CSMD3: variants seen among roughly 807,000 people sequenced by gnomAD.
CSMD3 encodes the protein CUB and Sushi multiple domains 3.
A neutral mutation model predicts 435.2 loss-of-function variants in CSMD3; 177 were observed. The ratio of observed to expected loss-of-function variants is 0.41; its 90% CI spans 0.36 to 0.46. CSMD3 has a LOEUF of 0.46. Among genes scored for constraint, CSMD3 ranks in the 20% least tolerant of loss-of-function variants. The probability of loss-of-function intolerance (pLI) is 0.34; values close to 1 mark genes in which losing one functional copy is unlikely to be tolerated. For missense variants in CSMD3, 4,265 were observed against 4,504.6 expected, an observed-to-expected ratio of 0.95 and a Z score of 1.52; for synonymous variants, 1,656 against 1,520.5, an observed-to-expected ratio of 1.09 and a Z score of -2.07.
chr8:113,295,445 T>C (rs76474776), intron 2 of CSMD3, among the ~76,000 whole-genome samples: 286 of 152,250 alleles, frequency 1.9e-3, no homozygotes, highest in South Asian at 9.7e-3. Context: ...AACAAAATGT[T>C]TTCCCATCAA....
At chr8:112,915,825 A>T (rs559815014) in intron 10 of CSMD3, among the ~76,000 whole-genome samples, 14 of 151,968 alleles carry the variant, frequency 9.2e-5, no homozygotes, top group Non-Finnish European at 1.8e-4. Flanking sequence ...GTTTATTAAA[A>T]TTTTTAAAAA....
intron 17 of CSMD3, among the ~76,000 whole-genome samples, chr8:112,665,880 T>C (rs1022379438): frequency 3.3e-5 from 5 of 152,148 alleles, no homozygotes; most frequent in Non-Finnish European, 5.9e-5. Flanking sequence ...ATATGGATAG[T>C]GTGCCTAAGT....
chr8:112,416,973 G>A (rs1364649630), intron 32 of CSMD3, among the ~76,000 whole-genome samples: 1 of 152,122 alleles, frequency 6.6e-6, no homozygotes, highest in Non-Finnish European at 1.5e-5. Context: ...CAAATTTGGT[G>A]GAGTAAGGGC....
At chr8:112,668,404 C>G (rs887147412) in intron 16 of CSMD3, among the ~76,000 whole-genome samples, 2 of 152,040 alleles carry the variant, frequency 1.3e-5, no homozygotes, top group African/African-American at 4.8e-5. Flanking sequence ...GAAAAGTATT[C>G]ACTCATTCAT....
intron 37 of CSMD3, among the ~76,000 whole-genome samples, chr8:112,382,274 AC>A (rs1354503187): frequency 6.8e-6 from 1 of 146,166 alleles, no homozygotes; most frequent in Non-Finnish European, 1.5e-5. Context: ...ATAGAGCCAG[AC>A]CCTGTCTCTA....
At chr8:112,767,553 T>C (rs1052202746) in intron 13 of CSMD3, among the ~76,000 whole-genome samples, 1 of 151,790 alleles carries the variant, frequency 6.6e-6, no homozygotes, top group African/African-American at 2.4e-5. Flanking sequence ...TAGTGAGTAA[T>C]AATACCTACC....
intron 16 of CSMD3, among the ~76,000 whole-genome samples, chr8:112,679,782 G>A (rs889248471): frequency 2.6e-5 from 4 of 152,176 alleles, no homozygotes; most frequent in African/African-American, 9.7e-5. Flanking sequence ...TTACCTAGAA[G>A]TGGTCTCTGT....
At chr8:112,918,959 C>G (rs1458336927) in intron 10 of CSMD3, among the ~76,000 whole-genome samples, 1 of 151,870 alleles carries the variant, frequency 6.6e-6, no homozygotes, top group African/African-American at 2.4e-5. Context: ...TACTCTTTGT[C>G]CAGACTCACA....
At chr8:112,463,084 G>A (rs1031690095) in intron 32 of CSMD3, among the ~76,000 whole-genome samples, 2 of 152,162 alleles carry the variant, frequency 1.3e-5, no homozygotes, top group African/African-American at 2.4e-5. Context: ...AGGGCTGGGC[G>A]CAGTGGCTCC....
chr8:112,281,890 C>A (rs1412618790), intron 58 of CSMD3, among the ~76,000 whole-genome samples: 7 of 151,790 alleles, frequency 4.6e-5, no homozygotes, highest in Non-Finnish European at 1.5e-5. Flanking sequence ...AAAACTAAAC[C>A]GAGTAAAAAC....
chr8:112,627,565 A>C (rs1156735836), intron 22 of CSMD3, among the ~76,000 whole-genome samples: 1 of 152,184 alleles, frequency 6.6e-6, no homozygotes, highest in Non-Finnish European at 1.5e-5. Flanking sequence ...TGAACTTACC[A>C]ATTAGCAGTC....
rs183785002 is a variant in CSMD3, at chr8:113,200,973, G to A, written c.515-27057C>T. Among the ~76,000 whole-genome samples the A allele has an allele frequency of 4.1e-4, 62 of 151,852 alleles. No individual in the cohort carries two copies. In the East Asian group the frequency reaches 0.011, roughly 26 times the overall value. ...AGTGCTAGTTGAATTAATTAATTAG[G>A]TTGAAGTAGAAAACTCACCAGGAAG... is the stretch of plus-strand genomic sequence containing the variant. On this transcript the variant is annotated intron_variant, in intron 3 of 70. Coordinates refer to ENST00000297405, the MANE Select transcript of CSMD3 (RefSeq NM_198123.2).
intron 3 of CSMD3, among the ~76,000 whole-genome samples, chr8:113,251,241 G>A (rs773696916): frequency 6.6e-6 from 1 of 151,920 alleles, no homozygotes; most frequent in African/African-American, 2.4e-5. Flanking sequence ...TCTCATTCAT[G>A]ATAATGGAGA....
chr8:112,645,595 G>A (rs1241389557), intron 19 of CSMD3, among the ~76,000 whole-genome samples: 1 of 152,096 alleles, frequency 6.6e-6, no homozygotes, highest in Non-Finnish European at 1.5e-5. Flanking sequence ...GTTTGATATA[G>A]ATTCCTAAAG....
chr8:112,386,075 C>T (rs1326617779), intron 36 of CSMD3, among the ~76,000 whole-genome samples: 3 of 152,086 alleles, frequency 2.0e-5, no homozygotes, highest in Non-Finnish European at 4.4e-5. Context: ...AGTGATGTGG[C>T]CAGAATCCAA....
chr8:112,386,499 AT>A (rs1173012533), intron 36 of CSMD3, among the ~76,000 whole-genome samples: 53 of 149,906 alleles, frequency 3.5e-4, no homozygotes, highest in Non-Finnish European at 4.9e-4. Context: ...CCAACCAAAG[AT>A]TTTTTTTTTC....
At chr8:112,532,511 G>T (rs1825638473) in intron 27 of CSMD3, among the ~76,000 whole-genome samples, 1 of 152,132 alleles carries the variant, frequency 6.6e-6, no homozygotes, top group South Asian at 2.1e-4. Context: ...ACATTTGGCA[G>T]TAGACTTCTC....
At chr8:113,320,057 G>A (rs1429351383) in intron 1 of CSMD3, among the ~76,000 whole-genome samples, 1 of 151,972 alleles carries the variant, frequency 6.6e-6, no homozygotes, top group East Asian at 1.9e-4. Context: ...TGAGATAGCA[G>A]GACATTTAGG....
chr8:112,697,261 T>C (rs1001581964), intron 13 of CSMD3, among the ~76,000 whole-genome samples: 4 of 152,116 alleles, frequency 2.6e-5, no homozygotes, highest in African/African-American at 9.7e-5. Flanking sequence ...CATGCTGCTA[T>C]AAAGACACAT....
Sources: allele counts gnomAD v4.1 joint callset (sites outside exome capture counted in the v4.1 genomes callset), GRCh38; gene constraint gnomAD v4.1.1; transcripts MANE v1.5; gene names NCBI Gene and HGNC (gene_info 2026-07-23, HGNC 2026-07-21).